The following C2CD2L variants were observed in gnomAD, a reference collection of about 807,000 sequenced individuals.
C2CD2L encodes the protein phospholipid transfer protein C2CD2L.
C2CD2L carries 24 observed loss-of-function variants against 69.9 expected under a neutral mutation model. The observed-to-expected ratio is 0.34, with a 90% CI of 0.25 to 0.48. C2CD2L has a LOEUF of 0.48. C2CD2L is among the 20% of genes least tolerant of loss of function. C2CD2L has a pLI of 0.99. For synonymous variants in C2CD2L, 367 were observed against 391.0 expected (o/e 0.94, Z 0.72); for missense variants, 811 against 941.5 (o/e 0.86, Z 1.81).
Position 119,110,249 on chromosome 11 carries a change from C to G in C2CD2L, c.450+50C>G, listed in dbSNP as rs775294225. 3 of 1,306,782 alleles carry G rather than the reference C, an allele frequency of 2.3e-6. No individual in the cohort carries two copies. The highest frequency in any genetic ancestry group is 3.3e-6 in the Non-Finnish European group (3 of 901,138). 80.9% of individuals were successfully genotyped at this position (1,306,782 alleles called of 1,614,324 possible). A position where few individuals can be genotyped will look rare whatever the true frequency, so the allele number is the denominator to read the frequency against. ...TCTTTGGGGTCCAAGAAGGACTGAC[C>G]CCAAGGGCTCCCTTTAGTCCAGAGG... is the stretch of plus-strand genomic sequence containing the variant. On this transcript the variant is annotated intron_variant, in intron 2 of 13. Coordinates refer to ENST00000648610, the MANE Select transcript of C2CD2L (RefSeq NM_001290474.2). The surrounding 1 kb of genome is among the most constrained non-coding windows in gnomAD (Gnocchi z 5.7).
intron 1 of C2CD2L, 173 bp downstream of exon 1, chr11:119,108,268 A>C: frequency 1.9e-6 from 1 of 524,964 alleles, no homozygotes; most frequent in Non-Finnish European, 3.3e-6. Context: ...GGTTGTAGAA[A>C]TCCAACTGGG....
intron 11 of C2CD2L, 44 bp downstream of exon 11, chr11:119,113,756 C>G (rs1410036473): frequency 1.9e-6 from 3 of 1,611,682 alleles, no homozygotes; most frequent in Admixed American, 3.3e-5. Flanking sequence ...GGCCCTGGTG[C>G]CCCAGCATCA....
In C2CD2L at chr11:119,112,606, G is replaced by A. The variant is rs143682926; in HGVS notation, c.1209G>A (p.Val403=). 3.4e-5 allele frequency: 54 copies of A among 1,609,056 alleles called. No individual in the cohort carries two copies. The highest frequency in any genetic ancestry group is 4.4e-5 in the Non-Finnish European group (52 of 1,178,192). The part of the protein sequence containing the change: ...KALGPAATMA[V]ELHYEEGSPR... Reference sequence around the variant, plus strand: ...TGGGACCAGCAGCCACCATGGCAGTGGAGGTGAGAAGCTGACCCCTGGGGT... The same window carrying A: ...TGGGACCAGCAGCCACCATGGCAGTAGAGGTGAGAAGCTGACCCCTGGGGT... Residue 403 remains valine, a synonymous_variant, in exon 9 of 14, where the codon GTG becomes GTA. Coordinates refer to ENST00000648610, the MANE Select transcript of C2CD2L (RefSeq NM_001290474.2).
chr11:119,110,513 C>T lies in C2CD2L; in HGVS notation c.451-48C>T. On this transcript the variant is annotated intron_variant, in intron 2 of 13. Transcript: ENST00000648610. The surrounding 1 kb of genome is among the most constrained non-coding windows in gnomAD (Gnocchi z 5.7). ...TGAACTATTACAGGGCAGTTCAAAG[C>T]AGGGTGAGCACCCTTCCCCCACATC... 2 of 1,585,278 alleles carry T rather than the reference C, an allele frequency of 1.3e-6. No homozygotes were observed. The highest frequency in any genetic ancestry group is 8.5e-7 in the Non-Finnish European group (1 of 1,170,262).
chr11:119,114,998 TG>T lies in C2CD2L; in HGVS notation c.1909+634del, dbSNP rs1358743461. 1 of 149,900 alleles carries T rather than the reference TG, an allele frequency of 6.7e-6. No homozygotes were observed. The highest frequency in any genetic ancestry group is 1.5e-5 in the Non-Finnish European group (1 of 68,520). The allele number at this position is 149,900 out of a possible 1,614,324, so 9.3% of individuals were successfully genotyped here. On this transcript the variant is annotated intron_variant, in intron 13 of 13. Transcript: ENST00000648610. The surrounding 1 kb of genome is among the most constrained non-coding windows in gnomAD (Gnocchi z 5.1). ...ATGGCTGGGCACGGTGGTTAATGCC[TG>T]TAATCCTAGCACTTTGGGAGGCCAA... is the stretch of plus-strand genomic sequence containing the variant.
At position 119,113,618 on chromosome 11, in the gene C2CD2L, C is replaced by T. The variant is rs1359642288; in HGVS notation, c.1395C>T (p.Pro465=). ...CCCTCCCCCACCCACCAGACTCCCC[C>T]TCCCGCTCCCCGTCCAAGGTGGAGG... ...RPRIDGKLDS[P]SRSPSKVEVT... Residue 465 remains proline (P), a synonymous_variant, in exon 11 of 14, where the codon CCC becomes CCT. Coordinates refer to ENST00000648610, the MANE Select transcript of C2CD2L (RefSeq NM_001290474.2). 12 of 1,613,178 alleles carry T rather than the reference C, an allele frequency of 7.4e-6. No individual in the cohort carries two copies. The highest frequency in any genetic ancestry group is 1.3e-5 in the African/African-American group (1 of 74,970).
rs574819065 is a variant in C2CD2L, at chr11:119,117,433, C to T, written c.*1177C>T. 3 of 152,358 alleles carry T rather than the reference C, an allele frequency of 2.0e-5. No individual in the cohort carries two copies. The highest frequency in any genetic ancestry group is 2.1e-4 in the South Asian group (1 of 4,828). The allele number at this position is 152,358 out of a possible 1,614,324, so 9.4% of individuals were successfully genotyped here. ...AGCTTGGACCCTGTAACTAGACTGC[C>T]TGCCTGGGTTTGAGTCCCAGCTCTT... On this transcript the variant is annotated 3_prime_UTR_variant, in exon 14 of 14. Transcript: ENST00000648610.
chr11:119,106,160 T>A (rs113995481), upstream of C2CD2L, among the ~76,000 whole-genome samples: 349 of 152,292 alleles, frequency 2.3e-3, 4 homozygotes, highest in African/African-American at 8.1e-3. Flanking sequence ...CCCCACCACC[T>A]CCTCTGGCTC....
Position 119,114,463 on chromosome 11 carries a change from A to C in C2CD2L, c.1909+98A>C. The C allele has an allele frequency of 1.6e-6, 2 of 1,231,684 alleles. No homozygotes were observed. Among genetic ancestry groups the C allele is most frequent in the Non-Finnish European group, 2.3e-6 (2 of 867,166 alleles). The allele number at this position is 1,231,684 out of a possible 1,614,324, so 76.3% of individuals were successfully genotyped here. A position where few individuals can be genotyped will look rare whatever the true frequency, so the allele number is the denominator to read the frequency against. ...CAGTGTGCCTTCTCCTTCCTCCCCT[A>C]AGAGATAGCCGGATTCCCAGCCTAG... On this transcript the variant is annotated intron_variant, in intron 13 of 13. Transcript: ENST00000648610. This position sits in a 1 kb window ranked among gnomAD's most constrained non-coding sequence, Gnocchi z 5.1.
chr11:119,102,354 G>T (rs1418854757), upstream of C2CD2L: 1 of 470,926 alleles, frequency 2.1e-6, no homozygotes, highest in East Asian at 7.0e-5. Context: ...GAAACCTGTT[G>T]CCAACATAGT....
Position 119,110,623 on chromosome 11 carries a change from C to T in C2CD2L, c.513C>T (p.Ser171=). The change falls in exon 3 of 14, where the codon TCC becomes TCT. Residue 171 remains serine, a synonymous_variant. Transcript: ENST00000648610. This position sits in a 1 kb window ranked among gnomAD's most constrained non-coding sequence, Gnocchi z 5.7. ...TCCCAGTCTCTGTGACCCAGCAGTC[C>T]CCCGCTGCCGTCTCCATGGAGACCT... ...VRFPVSVTQQ[S]PAAVSMETYH... is the part of the protein sequence containing the mutation. The T allele has an allele frequency of 1.2e-6, 2 of 1,612,798 alleles. No individual in the cohort carries two copies. The highest frequency in any genetic ancestry group is 1.1e-5 in the South Asian group (1 of 90,950).
upstream of C2CD2L, chr11:119,102,468 T>C (rs1786687): frequency 0.011 from 4,237 of 376,636 alleles, 179 homozygotes; most frequent in African/African-American, 0.082. Context: ...CCTCCCACTC[T>C]GTTTTTCTTG....
At position 119,113,891 on chromosome 11, in the gene C2CD2L, C is replaced by G; in HGVS notation, c.1526C>G (p.Ala509Gly). The G allele has an allele frequency of 6.2e-7, 1 of 1,614,188 alleles. No homozygotes were observed. Among genetic ancestry groups the G allele is most frequent in the Non-Finnish European group, 8.5e-7 (1 of 1,180,032 alleles). Residue 509 changes from alanine (A) to glycine (G), a missense_variant, in exon 12 of 14, where the codon GCA becomes GGA. Ala to Gly is a moderately conservative substitution (Grantham distance 60). Transcript: ENST00000648610. ...CTTTCCAACGGCTTGGACCCTGTAG[C>G]AGAGACAGCGATTCGCCAGCTGACA... Reference protein sequence around the residue: ...SHLSNGLDPVAETAIRQLTEP... With the variant: ...SHLSNGLDPVGETAIRQLTEP...
upstream of C2CD2L, among the ~76,000 whole-genome samples, chr11:119,105,429 A>G (rs1463381812): frequency 6.6e-6 from 1 of 152,216 alleles, no homozygotes; most frequent in East Asian, 1.9e-4. Flanking sequence ...ACCTGAGGTC[A>G]GGAGTTCGAG....
chr11:119,114,182 C>A lies in C2CD2L; in HGVS notation c.1726C>A (p.Pro576Thr). Residue 576 changes from proline to threonine, a missense_variant, in exon 13 of 14, where the codon CCT becomes ACT. Transcript: ENST00000648610. This position sits in a 1 kb window ranked among gnomAD's most constrained non-coding sequence, Gnocchi z 5.1. ...AGGGACCAGCGGAGGCCCCTCTTCA[C>A]CTCCCTCAGACCCACCAGCCATGTC... ...DAGTSGGPSS[P>T]PSDPPAMSPG... The A allele has an allele frequency of 6.2e-7, 1 of 1,614,180 alleles. No individual in the cohort carries two copies. The highest frequency in any genetic ancestry group is 8.5e-7 in the Non-Finnish European group (1 of 1,180,038).
chr11:119,103,818 G>C (rs527255247), upstream of C2CD2L, among the ~76,000 whole-genome samples: 2 of 152,186 alleles, frequency 1.3e-5, no homozygotes, highest in East Asian at 3.8e-4. Context: ...TAATTTACTT[G>C]CTAGTATTCC....
chr11:119,107,862 C>G lies in C2CD2L; in HGVS notation c.121C>G (p.Arg41Gly). The G allele has an allele frequency of 6.6e-7, 1 of 1,516,678 alleles. No homozygotes were observed. Among genetic ancestry groups the G allele is most frequent in the Admixed American group, 2.1e-5 (1 of 47,164 alleles). 94.0% of individuals were successfully genotyped at this position (1,516,678 alleles called of 1,614,324 possible). ...ATATGCCCGGGGCTTGTGGCTGGCG[C>G]GGGCCCGCGGGGACCGGGGCCCGGG... is the stretch of plus-strand genomic sequence containing the variant. ...LQYARGLWLA[R>G]ARGDRGPGPA... The change falls in exon 1 of 14, where the codon CGG (arginine) becomes GGG (glycine). Residue 41 changes from arginine to glycine, a missense_variant. Transcript: ENST00000648610. The surrounding 1 kb of genome is among the most constrained non-coding windows in gnomAD (Gnocchi z 5.4).
chr11:119,102,402 A>G (rs3825060), upstream of C2CD2L: 430,146 of 457,366 alleles, frequency 0.94, 203,239 homozygotes, highest in African/African-American at 0.98. Context: ...TCCCGGAAAC[A>G]AAGCTACGAT....
In C2CD2L at chr11:119,110,686, A is replaced by G. The variant is rs372583562; in HGVS notation, c.570+6A>G. On this transcript the variant is annotated splice_donor_region_variant and intron_variant, in intron 3 of 13. Coordinates refer to ENST00000648610, the MANE Select transcript of C2CD2L (RefSeq NM_001290474.2). The surrounding 1 kb of genome is among the most constrained non-coding windows in gnomAD (Gnocchi z 5.7). ...TGACACTGCCACCAACACAGGTAGA[A>G]GGGGATGTGGGAAACTGAGTTGGGC... The G allele has an allele frequency of 1.3e-5, 21 of 1,613,770 alleles. No homozygotes were observed. The highest frequency in any genetic ancestry group is 1.8e-5 in the Non-Finnish European group (21 of 1,180,000).
Sources: allele counts gnomAD v4.1 joint callset (sites outside exome capture counted in the v4.1 genomes callset), GRCh38; gene constraint gnomAD v4.1.1; non-coding constraint Gnocchi (gnomAD v3.1); transcripts MANE v1.5; gene names NCBI Gene and HGNC (gene_info 2026-07-23, HGNC 2026-07-21).